KIAA1328: variants seen among roughly 807,000 people sequenced by gnomAD.
KIAA1328 encodes the protein KIAA1328.
A neutral mutation model predicts 68.1 loss-of-function variants in KIAA1328; 52 were observed. The ratio of observed to expected loss-of-function variants is 0.76; its 90% confidence interval spans 0.61 to 0.96. The LOEUF (loss-of-function observed/expected upper bound fraction) is 0.96. Among genes scored for constraint, KIAA1328 ranks in the 40% least tolerant of loss-of-function variants. The pLI, the probability that KIAA1328 is intolerant of heterozygous loss-of-function variation, is 0.00. For synonymous variants in KIAA1328, 232 were observed against 239.4 expected (o/e 0.97, Z 0.28); for missense variants, 641 against 677.6 (o/e 0.95, Z 0.60).
chr18:36,953,057 G>T (rs1275556864), intron 5 of KIAA1328, among the ~76,000 whole-genome samples: 2 of 151,238 alleles, frequency 1.3e-5, no homozygotes, highest in South Asian at 2.1e-4. Context: ...CAAATATATA[G>T]AGAGTTGACA....
chr18:36,891,606 C>T (rs1030541768), intron 5 of KIAA1328, among the ~76,000 whole-genome samples: 2 of 152,168 alleles, frequency 1.3e-5, no homozygotes, highest in African/African-American at 4.8e-5. Context: ...TAATGGCCTC[C>T]AGCTCCATCC....
At chr18:37,152,107 A>C (rs540994930) in intron 7 of KIAA1328, among the ~76,000 whole-genome samples, 16 of 151,914 alleles carry the variant, frequency 1.1e-4, no homozygotes, top group African/African-American at 3.9e-4. Context: ...AAAAAAAAAA[A>C]AAAAAAAAAA....
intron 7 of KIAA1328, among the ~76,000 whole-genome samples, chr18:37,131,606 C>G (rs1184507252): frequency 2.6e-5 from 4 of 152,152 alleles, no homozygotes; most frequent in Non-Finnish European, 4.4e-5. Context: ...ACTTGCTGCA[C>G]AGACACAGAA....
At chr18:37,178,670 T>A (rs946483925) in intron 9 of KIAA1328, among the ~76,000 whole-genome samples, 2 of 152,164 alleles carry the variant, frequency 1.3e-5, no homozygotes, top group Non-Finnish European at 2.9e-5. Flanking sequence ...CTATTTTTCA[T>A]AATGGCTGTA....
intron 9 of KIAA1328, among the ~76,000 whole-genome samples, chr18:37,187,784 A>G (rs895754946): frequency 1.3e-5 from 2 of 152,108 alleles, no homozygotes; most frequent in African/African-American, 4.8e-5. Flanking sequence ...ATCCCTGCCT[A>G]GGAAAGGGAT....
rs141510430 is a variant in KIAA1328 at position 36,872,926 on chromosome 18, G to T, written c.333-12631G>T. ...CCCTATTGTTTGATTGAAAGGTTTT[G>T]TGAGGCCCAACTTTAATAACTTTAA... On this transcript the variant is annotated intron_variant, in intron 4 of 9. Transcript: ENST00000280020. 6.8e-3 allele frequency among the ~76,000 whole-genome samples: 1,030 copies of T among 152,312 alleles called. 13 individuals carry two copies. The highest frequency in any genetic ancestry group is 8.3e-3 in the Non-Finnish European group (565 of 68,012).
intron 5 of KIAA1328, among the ~76,000 whole-genome samples, chr18:36,929,031 A>G (rs1221368232): frequency 1.3e-5 from 2 of 152,142 alleles, no homozygotes; most frequent in Non-Finnish European, 2.9e-5. Context: ...GTGTTCTTTC[A>G]GGCATTTCCA....
intron 6 of KIAA1328, among the ~76,000 whole-genome samples, chr18:37,018,235 A>T (rs1381392245): frequency 6.6e-6 from 1 of 152,104 alleles, no homozygotes; most frequent in East Asian, 1.9e-4. Flanking sequence ...GTTTGGTGGG[A>T]TGTCATATTC....
At chr18:37,127,155 G>A (rs2058413423) in intron 7 of KIAA1328, among the ~76,000 whole-genome samples, 1 of 152,144 alleles carries the variant, frequency 6.6e-6, no homozygotes, top group South Asian at 2.1e-4. Flanking sequence ...TATCTACTTA[G>A]AAAATTCTAA....
chr18:37,129,327 A>G (rs2058467085), intron 7 of KIAA1328, among the ~76,000 whole-genome samples: 2 of 152,216 alleles, frequency 1.3e-5, no homozygotes, highest in African/African-American at 4.8e-5. Context: ...CGTGAAAAGA[A>G]CCTGAATTTC....
rs143652483 is a variant in KIAA1328, at chr18:37,190,981, G to A, written c.1523+17900G>A. 2.6e-4 allele frequency among the ~76,000 whole-genome samples: 40 copies of A among 152,262 alleles called. No homozygotes were observed. The East Asian group carries it at 6.2e-3, about 24-fold the overall frequency. ...GTCTTTTTACTGCTAGAGCACTTGG[G>A]AGAAACCCTAGTTGGTCCCCAATCT... On this transcript the variant is annotated intron_variant, in intron 9 of 9. Transcript: ENST00000280020.
At chr18:37,179,978 TG>T (rs2059667538) in intron 9 of KIAA1328, among the ~76,000 whole-genome samples, 3 of 151,752 alleles carry the variant, frequency 2.0e-5, no homozygotes, top group Admixed American at 1.3e-4. Context: ...CACATAAATA[TG>T]ATCTGCTTGA....
At chr18:37,001,558 A>G (rs1205473521) in intron 6 of KIAA1328, among the ~76,000 whole-genome samples, 1 of 152,130 alleles carries the variant, frequency 6.6e-6, no homozygotes, top group Non-Finnish European at 1.5e-5. Flanking sequence ...ATTTAGACAT[A>G]CACAAAAAGA....
intron 5 of KIAA1328, among the ~76,000 whole-genome samples, chr18:36,958,492 T>C (rs1328302627): frequency 6.6e-6 from 1 of 152,208 alleles, no homozygotes; most frequent in Non-Finnish European, 1.5e-5. Flanking sequence ...AGTTTCTTCA[T>C]ATCCTTGTCA....
At chr18:37,087,605 C>T (rs1206928325) in intron 7 of KIAA1328, among the ~76,000 whole-genome samples, 1 of 152,112 alleles carries the variant, frequency 6.6e-6, no homozygotes, top group Non-Finnish European at 1.5e-5. Flanking sequence ...CTGTGAAAAG[C>T]TCTCAGTATA....
intron 5 of KIAA1328, among the ~76,000 whole-genome samples, chr18:36,929,264 T>G (rs2050228333): frequency 6.6e-6 from 1 of 152,196 alleles, no homozygotes; most frequent in Non-Finnish European, 1.5e-5. Flanking sequence ...TTCTTTTTCC[T>G]TAACATTTAC....
At chr18:36,927,095 C>T (rs1408971888) in intron 5 of KIAA1328, among the ~76,000 whole-genome samples, 2 of 152,170 alleles carry the variant, frequency 1.3e-5, no homozygotes, top group East Asian at 3.9e-4. Context: ...CATTTACCTC[C>T]CACCAGGCTC....
intron 6 of KIAA1328, among the ~76,000 whole-genome samples, chr18:37,061,525 T>C (rs2056147393): frequency 6.6e-6 from 1 of 152,238 alleles, no homozygotes; most frequent in Admixed American, 6.5e-5. Flanking sequence ...AAGTTACTGT[T>C]ATATCTCGGA....
At chr18:37,024,630 T>TAA (rs2054492617) in intron 6 of KIAA1328, among the ~76,000 whole-genome samples, 1 of 151,790 alleles carries the variant, frequency 6.6e-6, no homozygotes. Flanking sequence ...ATGCGGTGTT[T>TAA]GGTTTTCTGT....
Sources: gnomAD v4.1 joint callset for allele counts (sites outside exome capture counted in the v4.1 genomes callset) on GRCh38, gnomAD v4.1.1 for gene constraint, MANE v1.5 for transcripts, NCBI Gene and HGNC (gene_info 2026-07-23, HGNC 2026-07-21) for gene names.